Variants in PRMT5 observed in about 807,000 individuals in gnomAD.
The protein encoded by PRMT5 is protein arginine methyltransferase 5.
In PRMT5, 15 loss-of-function variants were observed where a neutral mutation model predicts 84.0. The ratio of observed to expected loss-of-function variants is 0.18; its 90% CI spans 0.12 to 0.28. The LOEUF (loss-of-function observed/expected upper bound fraction) is 0.28. Ranked by LOEUF, PRMT5 falls within the 10% of genes least tolerant of loss-of-function variation. The pLI is 1.00. For synonymous variants in PRMT5, 276 were observed against 292.4 expected (o/e 0.94, Z 0.57); for missense variants, 486 against 808.0 (o/e 0.60, Z 4.83).
At chr14:22,926,887 A>C in intron 4 of PRMT5, 73 bp from the exon 5 acceptor site, 1 of 1,078,418 alleles carries the variant, frequency 9.3e-7, no homozygotes. Flanking sequence ...CCTCAATAAA[A>C]AAAACTTCAT....
chr14:22,922,313 T>TAG lies in PRMT5; in HGVS notation c.1697-74_1697-73insCT. 3.5e-6 allele frequency: 5 copies of TAG among 1,419,754 alleles called. No individual in the cohort carries two copies. In the South Asian group the frequency reaches 5.9e-5, roughly 17 times the overall value. The allele number at this position is 1,419,754 out of a possible 1,614,324, so 87.9% of individuals were successfully genotyped here. A position where few individuals can be genotyped will look rare whatever the true frequency, so the allele number is the denominator to read the frequency against. ...TTTTGCCTATGCTGAAGAGGGTCTC[T>TAG]TCTCTAATCACACAAAGATCTCCAT... On this transcript the variant is annotated intron_variant, in intron 15 of 16. Coordinates refer to ENST00000324366, the MANE Select transcript of PRMT5 (RefSeq NM_006109.5).
chr14:22,927,391 C>G (rs10130756), intron 4 of PRMT5, 135 bp downstream of exon 4: 751,277 of 1,227,598 alleles, frequency 0.61, 233,289 homozygotes, highest in East Asian at 0.79. Context: ...TTACAGGCAT[C>G]ACCCACTGTG....
Position 22,924,233 on chromosome 14 carries a change from T to C in PRMT5, c.1199+37A>G, listed in dbSNP as rs368760265. 461 of 1,612,226 alleles carry C rather than the reference T, an allele frequency of 2.9e-4. No homozygotes were observed. Among genetic ancestry groups the C allele is most frequent in the Non-Finnish European group, 3.6e-4 (426 of 1,178,690 alleles). The stretch of plus-strand genomic sequence containing the variant: ...GAGAGATGTTAAGGAAATTTGGCAA[T>C]GAGGACTAACTTCCCAGCAAGCAGG... On this transcript the variant is annotated intron_variant, in intron 11 of 16. Transcript: ENST00000324366. The surrounding 1 kb of genome is among the most constrained non-coding windows in gnomAD (Gnocchi z 6.5).
At chr14:22,922,081 G>C in intron 16 of PRMT5, 95 bp downstream of exon 16, 1 of 1,118,362 alleles carries the variant, frequency 8.9e-7, no homozygotes, top group Non-Finnish European at 1.4e-6. Context: ...GAGAACATGA[G>C]TCATAGTCAA....
rs368336916 is a variant in PRMT5 at position 22,922,879 on chromosome 14, C to A, written c.1486-44G>T. 2.5e-6 allele frequency: 4 copies of A among 1,569,880 alleles called. No homozygotes were observed. In the African/African-American group the frequency reaches 4.1e-5, roughly 16 times the overall value. ...GAGAGAGAGTGTTGGGGAAGACACA[C>A]AAGAGAGAACTACTTCCCCAAGGAT... On this transcript the variant is annotated intron_variant, in intron 13 of 16. Coordinates refer to ENST00000324366, the MANE Select transcript of PRMT5 (RefSeq NM_006109.5).
In PRMT5 at chr14:22,928,064, G is replaced by A; in HGVS notation, c.315+62C>T. On this transcript the variant is annotated intron_variant, in intron 3 of 16. Transcript: ENST00000324366. This position sits in a 1 kb window ranked among gnomAD's most constrained non-coding sequence, Gnocchi z 4.8. ...TTTACCAAGTTATTGGGGATGGGAG[G>A]GGACCACTCTCCCCACCCAGCTTGG... 1.4e-6 allele frequency: 2 copies of A among 1,420,690 alleles called. No homozygotes were observed. The highest frequency in any genetic ancestry group is 2.3e-5 in the East Asian group (1 of 43,850). The allele number at this position is 1,420,690 out of a possible 1,614,324, so 88.0% of individuals were successfully genotyped here.
At chr14:22,921,215 T>A in intron 16 of PRMT5, 159 bp from the exon 17 acceptor site, 1 of 872,650 alleles carries the variant, frequency 1.1e-6, no homozygotes, top group Non-Finnish European at 1.8e-6. Flanking sequence ...ATCAAAGGTG[T>A]GGTGAGAGCT....
In PRMT5 at chr14:22,920,724, C is replaced by T. The variant is rs2044255922; in HGVS notation, c.*180G>A. On this transcript the variant is annotated 3_prime_UTR_variant, in exon 17 of 17. Transcript: ENST00000324366. ...GCCTGAGGTCTTCATAGATTGGTGG[C>T]TTGAGCCCTGCAATTAATTATAATC... The T allele has an allele frequency of 1.1e-6, 1 of 921,616 alleles. No homozygotes were observed. The allele number at this position is 921,616 out of a possible 1,614,324, so 57.1% of individuals were successfully genotyped here. A position where few individuals can be genotyped will look rare whatever the true frequency, so the allele number is the denominator to read the frequency against.
intron 6 of PRMT5, 93 bp downstream of exon 6, chr14:22,926,413 G>A: frequency 1.3e-6 from 2 of 1,590,584 alleles, no homozygotes; most frequent in Non-Finnish European, 1.7e-6. Flanking sequence ...CAGAGGGGAA[G>A]TAGCAAAATT....
In PRMT5 at chr14:22,928,061, G is replaced by A. The variant is rs1482358266; in HGVS notation, c.315+65C>T. On this transcript the variant is annotated intron_variant, in intron 3 of 16. Transcript: ENST00000324366. The surrounding 1 kb of genome is among the most constrained non-coding windows in gnomAD (Gnocchi z 4.8). ...TAATTTACCAAGTTATTGGGGATGG[G>A]AGGGGACCACTCTCCCCACCCAGCT... 2 of 1,389,600 alleles carry A rather than the reference G, an allele frequency of 1.4e-6. No individual in the cohort carries two copies. Among genetic ancestry groups the A allele is most frequent in the Non-Finnish European group, 2.0e-6 (2 of 990,976 alleles). 86.1% of individuals were successfully genotyped at this position (1,389,600 alleles called of 1,614,324 possible).
At chr14:22,927,725 T>G (rs2044456696) in intron 3 of PRMT5, 65 bp from the exon 4 acceptor site, 1 of 1,363,638 alleles carries the variant, frequency 7.3e-7, no homozygotes, top group Non-Finnish European at 1.0e-6. Flanking sequence ...TTTTTTTTTT[T>G]GAGACAAAGT....
chr14:22,926,955 AT>A, intron 4 of PRMT5, 141 bp from the exon 5 acceptor site: 1 of 640,598 alleles, frequency 1.6e-6, no homozygotes, highest in Non-Finnish European at 2.8e-6. Context: ...GTAAGTGAAC[AT>A]GTACCTTATA....
At chr14:22,922,054 A>G in intron 16 of PRMT5, 122 bp downstream of exon 16, 1 of 909,684 alleles carries the variant, frequency 1.1e-6, no homozygotes, top group Non-Finnish European at 1.8e-6. Flanking sequence ...CTGGGATCCA[A>G]GAGCATATGA....
Position 22,922,212 on chromosome 14 carries a change from C to T in PRMT5, c.1725G>A (p.Gly575=), listed in dbSNP as rs1330517732. 1.3e-6 allele frequency: 2 copies of T among 1,598,032 alleles called. No individual in the cohort carries two copies. Among genetic ancestry groups the T allele is most frequent in the Non-Finnish European group, 1.7e-6 (2 of 1,165,332 alleles). ...AGAGGATGGGAAACCATGAGAACATCCCAGGAGAGTGAGTCTCTGGACGGA... is the reference window on the plus strand; with the variant it reads ...AGAGGATGGGAAACCATGAGAACATTCCAGGAGAGTGAGTCTCTGGACGGA... The part of the protein sequence containing the change: ...LSIRPETHSP[G]MFSWFPILFP... Residue 575 remains glycine (G), a synonymous_variant, in exon 16 of 17, where the codon GGG becomes GGA. Coordinates refer to ENST00000324366, the MANE Select transcript of PRMT5 (RefSeq NM_006109.5).
In PRMT5 at chr14:22,923,374, G is replaced by A; in HGVS notation, c.1376-214C>T. On this transcript the variant is annotated intron_variant, in intron 12 of 16. Coordinates refer to ENST00000324366, the MANE Select transcript of PRMT5 (RefSeq NM_006109.5). This position sits in a 1 kb window ranked among gnomAD's most constrained non-coding sequence, Gnocchi z 5.2. ...TTCCACTACTAGGTTAATTTACAGA[G>A]TCACACAGATTAAAACTGAAAGAAC... The A allele has an allele frequency of 2.1e-6, 1 of 476,562 alleles. No individual in the cohort carries two copies. The highest frequency in any genetic ancestry group is 3.7e-6 in the Non-Finnish European group (1 of 270,780). 29.5% of individuals were successfully genotyped at this position (476,562 alleles called of 1,614,324 possible).
Position 22,928,362 on chromosome 14 carries a change from A to G in PRMT5, c.229+135T>C. On this transcript the variant is annotated intron_variant, in intron 2 of 16. Coordinates refer to ENST00000324366, the MANE Select transcript of PRMT5 (RefSeq NM_006109.5). This position sits in a 1 kb window ranked among gnomAD's most constrained non-coding sequence, Gnocchi z 4.8. ...TAGCCTGATGCAGAATAGAGAAGCA[A>G]GGAGAAAACAAGTTATCTATATCCC... is the stretch of plus-strand genomic sequence containing the variant. 1 of 1,138,522 alleles carries G rather than the reference A, an allele frequency of 8.8e-7. No individual in the cohort carries two copies. The highest frequency in any genetic ancestry group is 1.3e-6 in the Non-Finnish European group (1 of 766,122). 70.5% of individuals were successfully genotyped at this position (1,138,522 alleles called of 1,614,324 possible).
At position 22,927,598 on chromosome 14, in the gene PRMT5, A is replaced by C. The variant is rs1156275712; in HGVS notation, c.378T>G (p.Leu126=). ...CCAGGTTGGTGTTATCTTCCTGATT[A>C]AGGGGCAGCAGGAAAGCTGGAAGAC... is the stretch of plus-strand genomic sequence containing the variant. ...YLGLPAFLLP[L]NQEDNTNLAR... The change falls in exon 4 of 17, where the codon CTT becomes CTG. Residue 126 remains leucine (L), a synonymous_variant. Coordinates refer to ENST00000324366, the MANE Select transcript of PRMT5 (RefSeq NM_006109.5). The C allele has an allele frequency of 6.2e-7, 1 of 1,614,122 alleles. No individual in the cohort carries two copies. The highest frequency in any genetic ancestry group is 8.5e-7 in the Non-Finnish European group (1 of 1,180,006).
chr14:22,922,613 G>C (rs1221636030), intron 14 of PRMT5, 54 bp from the exon 15 acceptor site: 15 of 1,530,394 alleles, frequency 9.8e-6, no homozygotes, highest in Admixed American at 5.0e-5. Context: ...TAGACAACTT[G>C]ATAAAGCATG....
intron 16 of PRMT5, 149 bp from the exon 17 acceptor site, chr14:22,921,205 A>G: frequency 2.0e-6 from 2 of 976,854 alleles, no homozygotes; most frequent in South Asian, 1.6e-5. Flanking sequence ...AACACAAATA[A>G]TCAAAGGTGT....
Sources: gnomAD v4.1 joint callset for allele counts on GRCh38, gnomAD v4.1.1 for gene constraint, Gnocchi (gnomAD v3.1) non-coding constraint, MANE v1.5 for transcripts, NCBI Gene and HGNC (gene_info 2026-07-23, HGNC 2026-07-21) for gene names.